CFAP70: variants seen among roughly 807,000 people sequenced by gnomAD.
The protein encoded by CFAP70 is cilia and flagella associated protein 70, also known as cilia- and flagella-associated protein 70.
A neutral mutation model predicts 137.6 loss-of-function variants in CFAP70; 81 were observed. The ratio of observed to expected loss-of-function variants is 0.59; its 90% CI spans 0.49 to 0.71. The LOEUF is 0.71. Among genes scored for constraint, CFAP70 ranks in the 30% least tolerant of loss-of-function variants. The pLI, the probability that CFAP70 is intolerant of heterozygous loss-of-function variation, is 0.00. For synonymous variants in CFAP70, 382 were observed against 423.6 expected (o/e 0.90, Z 1.20); for missense variants, 976 against 1,226.7 (o/e 0.80, Z 3.05).
At chr10:73,262,092 A>G (rs1259569428) in intron 25 of CFAP70, among the ~76,000 whole-genome samples, 1 of 147,666 alleles carries the variant, frequency 6.8e-6, no homozygotes, top group Admixed American at 6.8e-5. Context: ...ATGTATATAT[A>G]TAATACATAT....
At chr10:73,340,218 C>G (rs1213403165) in intron 6 of CFAP70, among the ~76,000 whole-genome samples, 1 of 151,526 alleles carries the variant, frequency 6.6e-6, no homozygotes, top group Non-Finnish European at 1.5e-5. Context: ...TCTCAGCAGA[C>G]AGGATACCCA....
At chr10:73,353,358 C>T (rs1403908388) in intron 3 of CFAP70, among the ~76,000 whole-genome samples, 198 bp downstream of exon 3, 1 of 152,196 alleles carries the variant, frequency 6.6e-6, no homozygotes, top group African/African-American at 2.4e-5. Flanking sequence ...CTTCCACTAA[C>T]ACATACACAC....
At chr10:73,292,181 G>A (rs989318682) in intron 16 of CFAP70, among the ~76,000 whole-genome samples, 167 bp from the exon 18 acceptor site, 1 of 152,072 alleles carries the variant, frequency 6.6e-6, no homozygotes, top group African/African-American at 2.4e-5. Context: ...CACTGTTCTG[G>A]CCTTTAGTAG....
chr10:73,360,130 C>T (rs551791115), upstream of CFAP70, among the ~76,000 whole-genome samples: 1 of 152,226 alleles, frequency 6.6e-6, no homozygotes, highest in South Asian at 2.1e-4. Flanking sequence ...CATACCACCC[C>T]GAACATGCCC....
At chr10:73,306,137 C>G (rs958690773) in intron 12 of CFAP70, among the ~76,000 whole-genome samples, 2 of 151,932 alleles carry the variant, frequency 1.3e-5, no homozygotes, top group Non-Finnish European at 2.9e-5. Flanking sequence ...ATAATTCAGT[C>G]TGAGGAACAG....
intron 25 of CFAP70, among the ~76,000 whole-genome samples, chr10:73,269,179 G>A (rs1177132040): frequency 1.3e-5 from 2 of 152,094 alleles, no homozygotes; most frequent in Admixed American, 1.3e-4. Context: ...AGTTATTTAA[G>A]TCTAACTATG....
chr10:73,326,559 G>C (rs1589497151), intron 8 of CFAP70, among the ~76,000 whole-genome samples: 1 of 149,914 alleles, frequency 6.7e-6, no homozygotes, highest in East Asian at 1.9e-4. Flanking sequence ...CTGGTTTTTT[G>C]AAAGGATCAA....
chr10:73,272,753 T>C, intron 24 of CFAP70, 175 bp downstream of exon 25: 1 of 687,166 alleles, frequency 1.5e-6, no homozygotes, highest in South Asian at 1.6e-5. Flanking sequence ...TTTATTTTTC[T>C]AGCTAGTTAA....
intron 15 of CFAP70, 120 bp from the exon 17 acceptor site, chr10:73,293,508 CT>C (rs2048326126): frequency 1.2e-6 from 1 of 838,786 alleles, no homozygotes; most frequent in African/African-American, 1.7e-5. Flanking sequence ...TGATTGATGT[CT>C]ATAATGACAG....
intron 1 of CFAP70, among the ~76,000 whole-genome samples, chr10:73,356,763 C>A (rs1396636698): frequency 6.6e-6 from 1 of 152,152 alleles, no homozygotes; most frequent in African/African-American, 2.4e-5. Context: ...CCTTTTGTAT[C>A]AGTCTTCTTT....
rs549601130 is a variant in CFAP70, at chr10:73,259,683, C to T, written c.3028-3267G>A. The stretch of plus-strand genomic sequence containing the variant: ...TTATAACTAATAGAGGATTAGCATC[C>T]AGGTTATATAAGTAGCTGCTACAAT... On this transcript the variant is annotated intron_variant, in intron 25 of 26. Coordinates refer to ENST00000310715, the Ensembl canonical transcript of CFAP70. 3.3e-5 allele frequency among the ~76,000 whole-genome samples: 5 copies of T among 152,166 alleles called. No individual in the cohort carries two copies. The South Asian group carries it at 1.0e-3, about 32-fold the overall frequency.
intron 19 of CFAP70, among the ~76,000 whole-genome samples, chr10:73,284,521 G>A (rs2047498169): frequency 6.6e-6 from 1 of 151,376 alleles, no homozygotes; most frequent in Non-Finnish European, 1.5e-5. Flanking sequence ...TAGGATTTAA[G>A]TTTGCCATTT....
chr10:73,303,598 A>G (rs2049131690), intron 12 of CFAP70, among the ~76,000 whole-genome samples: 1 of 152,222 alleles, frequency 6.6e-6, no homozygotes. Flanking sequence ...TTTGAAAAAA[A>G]AAACTTATTG....
chr10:73,296,004 T>G (rs1224848112), intron 15 of CFAP70: 3 of 152,234 alleles, frequency 2.0e-5, no homozygotes, highest in Non-Finnish European at 4.4e-5. Flanking sequence ...TCTTTTCTTT[T>G]TAGTATCAAC....
At chr10:73,277,350 A>T in exon 21 of CFAP70, 1 of 1,613,414 alleles carries the variant, frequency 6.2e-7, no homozygotes, top group Non-Finnish European at 8.5e-7. Context: ...GAATCTTGAC[A>T]TTTTGATGCT....
At chr10:73,360,029 T>A (rs1219623246), upstream of CFAP70, among the ~76,000 whole-genome samples, 2 of 152,094 alleles carry the variant, frequency 1.3e-5, no homozygotes, top group African/African-American at 4.8e-5. Context: ...ACAACTAAAT[T>A]CAATATGTAT....
chr10:73,316,865 C>T (rs930101845), intron 9 of CFAP70, among the ~76,000 whole-genome samples: 8 of 152,040 alleles, frequency 5.3e-5, no homozygotes, highest in Non-Finnish European at 1.0e-4. Context: ...AACTTATAAC[C>T]ATTTCAAGTA....
intron 19 of CFAP70, among the ~76,000 whole-genome samples, chr10:73,283,039 G>T: frequency 6.6e-6 from 1 of 151,010 alleles, no homozygotes; most frequent in Non-Finnish European, 1.5e-5. Flanking sequence ...CCCCATGTTG[G>T]CCAGGCTGGT....
chr10:73,312,984 A>C (rs189443093), intron 9 of CFAP70, among the ~76,000 whole-genome samples: 15 of 152,318 alleles, frequency 9.8e-5, no homozygotes, highest in Non-Finnish European at 2.1e-4. Flanking sequence ...CTGTAATCCC[A>C]GAACTTTGGC....
Sources: allele counts gnomAD v4.1 joint callset (sites outside exome capture counted in the v4.1 genomes callset), GRCh38; gene constraint gnomAD v4.1.1; transcripts MANE v1.5; gene names NCBI Gene and HGNC (gene_info 2026-07-23, HGNC 2026-07-21).